DOCK2: variants seen among roughly 807,000 people sequenced by gnomAD.
DOCK2 encodes the protein dedicator of cytokinesis 2.
In DOCK2, 87 loss-of-function variants were observed where a neutral mutation model predicts 248.9. The observed-to-expected ratio is 0.35, with a 90% CI of 0.29 to 0.42. The LOEUF is 0.42. Ranked by LOEUF, DOCK2 falls within the 10% of genes least tolerant of loss-of-function variation. The pLI is 1.00. For missense variants in DOCK2, 1,747 were observed against 2,300.2 expected, an observed-to-expected ratio of 0.76 and a Z score of 4.92; for synonymous variants, 805 against 821.6, an observed-to-expected ratio of 0.98 and a Z score of 0.35.
chr5:169,867,626 ATCT>A (rs1771669692), intron 27 of DOCK2, among the ~76,000 whole-genome samples: 1 of 8,764 alleles, frequency 1.1e-4, no homozygotes, highest in Non-Finnish European at 2.3e-4. Context: ...ATTATCTATC[ATCT>A]ATCTATCTAT....
intron 19 of DOCK2, 125 bp downstream of exon 19, chr5:169,714,582 A>G (rs1761798220): frequency 2.0e-6 from 2 of 997,048 alleles, no homozygotes; most frequent in African/African-American, 3.3e-5. Flanking sequence ...AGTAGGATAC[A>G]CTCTCCCGAG....
chr5:169,699,549 A>T (rs1760838635), intron 12 of DOCK2, 91 bp downstream of exon 12: 5 of 1,262,490 alleles, frequency 4.0e-6, no homozygotes, highest in Non-Finnish European at 4.4e-6. Context: ...GAACCCTGGG[A>T]TACTTAGCTT....
At chr5:169,793,765 C>G (rs1766488567) in intron 25 of DOCK2, among the ~76,000 whole-genome samples, 1 of 152,122 alleles carries the variant, frequency 6.6e-6, no homozygotes. Context: ...CACATTAAAC[C>G]CCTGTTTCCT....
intron 6 of DOCK2, among the ~76,000 whole-genome samples, chr5:169,675,070 T>C (rs1054450490): frequency 1.3e-5 from 2 of 152,254 alleles, no homozygotes; most frequent in African/African-American, 4.8e-5. Flanking sequence ...ATTTAATTCT[T>C]ATAATAACTC....
At chr5:169,990,510 T>C (rs1401682902) in intron 29 of DOCK2, among the ~76,000 whole-genome samples, 2 of 152,178 alleles carry the variant, frequency 1.3e-5, no homozygotes, top group South Asian at 4.1e-4. Context: ...TCCCAAATTA[T>C]GCAGAAAATG....
intron 26 of DOCK2, among the ~76,000 whole-genome samples, chr5:169,811,013 A>G (rs537920555): frequency 6.6e-6 from 1 of 152,044 alleles, no homozygotes; most frequent in South Asian, 2.1e-4. Context: ...ACACACACAC[A>G]CACACACACA....
intron 27 of DOCK2, among the ~76,000 whole-genome samples, chr5:169,922,031 C>A (rs73325994): frequency 0.019 from 2,845 of 152,288 alleles, 86 homozygotes; most frequent in African/African-American, 0.065. Context: ...ATTTTAAGAG[C>A]TTTTCCATGA....
rs377722244 is a variant in DOCK2, at chr5:169,767,165, T to A, written c.2554+5540T>A. Among the ~76,000 whole-genome samples, 5 of 152,392 alleles carry A rather than the reference T, an allele frequency of 3.3e-5. No individual in the cohort carries two copies. In the East Asian group the frequency reaches 9.6e-4, roughly 29 times the overall value. On this transcript the variant is annotated intron_variant, in intron 25 of 51. Coordinates refer to ENST00000520908, the MANE Select transcript of DOCK2 (RefSeq NM_004946.3). The stretch of plus-strand genomic sequence containing the variant: ...TAGTGATGCTGAGCATTTTTTCATA[T>A]GCTTGTTGGCTGCATGTATGTCTTC...
chr5:169,643,897 T>C (rs1290939768), intron 1 of DOCK2, among the ~76,000 whole-genome samples: 1 of 152,208 alleles, frequency 6.6e-6, no homozygotes, highest in Admixed American at 6.5e-5. Context: ...CATGGTGGGC[T>C]GCAGCAGCAG....
At chr5:169,685,783 G>T (rs549100417) in intron 8 of DOCK2, among the ~76,000 whole-genome samples, 29 of 152,236 alleles carry the variant, frequency 1.9e-4, no homozygotes, top group Non-Finnish European at 3.7e-4. Flanking sequence ...TCATGGTTCC[G>T]TGTCACTAAG....
chr5:169,747,799 G>A (rs1763690258), intron 23 of DOCK2, among the ~76,000 whole-genome samples: 1 of 152,204 alleles, frequency 6.6e-6, no homozygotes. Flanking sequence ...CATGGTAGCA[G>A]TCTCTTAAAC....
At chr5:170,061,193 G>A (rs1757315684) in intron 44 of DOCK2, among the ~76,000 whole-genome samples, 1 of 152,096 alleles carries the variant, frequency 6.6e-6, no homozygotes, top group African/African-American at 2.4e-5. Flanking sequence ...AGCAAGCCTG[G>A]CAAGAGTTAC....
intron 25 of DOCK2, among the ~76,000 whole-genome samples, chr5:169,790,646 T>G (rs1766279365): frequency 6.6e-6 from 1 of 152,250 alleles, no homozygotes; most frequent in Non-Finnish European, 1.5e-5. Context: ...GGAAGGAAAC[T>G]GAAGCTTTAA....
At chr5:169,879,043 T>G (rs747488103) in intron 27 of DOCK2, among the ~76,000 whole-genome samples, 10 of 152,186 alleles carry the variant, frequency 6.6e-5, no homozygotes, top group Non-Finnish European at 1.3e-4. Flanking sequence ...TAGAACCAGA[T>G]GACCCCACAT....
intron 22 of DOCK2, among the ~76,000 whole-genome samples, chr5:169,726,301 CTTCTT>C (rs1762470354): frequency 1.3e-5 from 2 of 152,168 alleles, no homozygotes; most frequent in Non-Finnish European, 1.5e-5. Context: ...GCATAAATGT[CTTCTT>C]TTGAGAAGTG....
intron 27 of DOCK2, among the ~76,000 whole-genome samples, chr5:169,853,985 A>G (rs1300169634): frequency 1.3e-5 from 2 of 149,768 alleles, no homozygotes; most frequent in African/African-American, 2.5e-5. Context: ...ACAGGCGCCC[A>G]CCACCATGCT....
intron 27 of DOCK2, among the ~76,000 whole-genome samples, chr5:169,886,833 G>A (rs1231558270): frequency 1.3e-5 from 2 of 152,152 alleles, no homozygotes; most frequent in African/African-American, 4.8e-5. Context: ...TTCTGGGAAC[G>A]ATAACTCACA....
intron 27 of DOCK2, among the ~76,000 whole-genome samples, chr5:169,921,997 A>G (rs1380025058): frequency 6.6e-6 from 1 of 152,230 alleles, no homozygotes; most frequent in African/African-American, 2.4e-5. Flanking sequence ...AATCCCATGT[A>G]CATCCTGGTC....
At chr5:169,681,955 T>C in intron 7 of DOCK2, 76 bp downstream of exon 7, 1 of 1,565,422 alleles carries the variant, frequency 6.4e-7, no homozygotes, top group Non-Finnish European at 8.7e-7. Context: ...AATGGGCTAA[T>C]GAACCAGACT....
Sources: allele counts gnomAD v4.1 joint callset (sites outside exome capture counted in the v4.1 genomes callset), GRCh38; gene constraint gnomAD v4.1.1; transcripts MANE v1.5; gene names NCBI Gene and HGNC (gene_info 2026-07-23, HGNC 2026-07-21).